Variants in CAPN5 observed in about 807,000 individuals in gnomAD.
CAPN5 encodes the protein calpain-5.
CAPN5 carries 54 observed loss-of-function variants against 73.0 expected under a neutral mutation model. That is an observed-to-expected ratio of 0.74 (90% CI 0.59 to 0.93). The LOEUF is 0.93. Among genes scored for constraint, CAPN5 ranks in the 40% least tolerant of loss-of-function variants. CAPN5 has a pLI of 0.00. For synonymous variants in CAPN5, 335 were observed against 356.9 expected (o/e 0.94, Z 0.69); for missense variants, 785 against 882.9 (o/e 0.89, Z 1.41).
chr11:77,070,301 C>A (rs1555032817), intron 1 of CAPN5, among the ~76,000 whole-genome samples: 1 of 152,212 alleles, frequency 6.6e-6, no homozygotes, highest in East Asian at 1.9e-4. Context: ...CCCCAGCTGC[C>A]CTTCACTGTC....
chr11:77,120,963 G>A, intron 10 of CAPN5, 54 bp downstream of exon 10: 1 of 1,525,304 alleles, frequency 6.6e-7, no homozygotes, highest in Non-Finnish European at 9.0e-7. Flanking sequence ...TTCACACTGG[G>A]CCAACCAGGA....
intron 3 of CAPN5, among the ~76,000 whole-genome samples, chr11:77,099,512 G>A (rs1555038317): frequency 1.3e-5 from 2 of 150,948 alleles, no homozygotes; most frequent in Admixed American, 6.6e-5. Flanking sequence ...CGGATCACTC[G>A]CGGTTAGGGG....
chr11:77,112,705 C>T lies in CAPN5; in HGVS notation c.414C>T (p.Asp138=), dbSNP rs188838312. 1.2e-5 allele frequency: 19 copies of T among 1,614,240 alleles called. No homozygotes were observed. The East Asian group carries it at 4.0e-4, about 34-fold the overall frequency. The part of the protein sequence containing the change: ...FGEWVDVVID[D]RLPTVNNQLI... The stretch of plus-strand genomic sequence containing the variant: ...AATGGGTGGACGTGGTCATCGATGA[C>T]CGGCTGCCCACAGTCAACAACCAGC... The change falls in exon 4 of 13, where the codon GAC becomes GAT. Residue 138 remains aspartate (D), a synonymous_variant. Coordinates refer to ENST00000648180, the MANE Select transcript of CAPN5 (RefSeq NM_004055.5).
chr11:77,071,639 CT>C (rs782290465), intron 1 of CAPN5: 1 of 454,324 alleles, frequency 2.2e-6, no homozygotes, highest in South Asian at 1.6e-5. Flanking sequence ...AAGAGGTTAA[CT>C]GCTTTGCACC....
intron 3 of CAPN5, among the ~76,000 whole-genome samples, chr11:77,095,686 G>A (rs1555037393): frequency 6.6e-6 from 1 of 152,228 alleles, no homozygotes; most frequent in Non-Finnish European, 1.5e-5. Context: ...CTGTCTGGCC[G>A]TTTGTAGGTG....
chr11:77,073,210 G>A, intron 1 of CAPN5: 1 of 856,078 alleles, frequency 1.2e-6, no homozygotes, highest in East Asian at 6.3e-5. Flanking sequence ...TGTTAAAACT[G>A]TGGTGAGCTG....
chr11:77,100,588 G>A (rs1224959636), intron 3 of CAPN5, among the ~76,000 whole-genome samples: 2 of 152,108 alleles, frequency 1.3e-5, no homozygotes, highest in African/African-American at 4.8e-5. Context: ...TCAGGATCCA[G>A]AAATAGGGGA....
intron 2 of CAPN5, among the ~76,000 whole-genome samples, chr11:77,088,565 A>G (rs1555035989): frequency 6.6e-6 from 1 of 152,052 alleles, no homozygotes; most frequent in African/African-American, 2.4e-5. Flanking sequence ...GCTGTAGGCT[A>G]CAACTCCCTT....
chr11:77,117,627 C>T (rs1555041985), intron 7 of CAPN5, among the ~76,000 whole-genome samples: 1 of 152,220 alleles, frequency 6.6e-6, no homozygotes, highest in African/African-American at 2.4e-5. Flanking sequence ...TCACTGCCCC[C>T]TGCCCCCACC....
intron 5 of CAPN5, among the ~76,000 whole-genome samples, chr11:77,115,179 A>G (rs1281285765): frequency 2.6e-5 from 4 of 152,210 alleles, no homozygotes; most frequent in African/African-American, 7.2e-5. Context: ...CGTGGGCCCC[A>G]GCATTCCCCT....
At chr11:77,101,737 GCTCCCCAACTCCCATCCCCACTCT>G (rs1400131401) in intron 3 of CAPN5, among the ~76,000 whole-genome samples, 1 of 152,070 alleles carries the variant, frequency 6.6e-6, no homozygotes, top group Non-Finnish European at 1.5e-5. Context: ...GGCGACGGCC[GCTCCCCAACTCCCATCCCCACTCT>G]CTCCCCAACT....
At position 77,122,622 on chromosome 11, in the gene CAPN5, C is replaced by G. The variant is rs1555043092; in HGVS notation, c.1650C>G (p.Arg550=). 6.2e-7 allele frequency: 1 copy of G among 1,613,652 alleles called. No homozygotes were observed. The change falls in exon 12 of 13, where the codon CGC becomes CGG. Residue 550 remains arginine (R), a synonymous_variant. Coordinates refer to ENST00000648180, the MANE Select transcript of CAPN5 (RefSeq NM_004055.5). ...TCAAGTGTGAGGGAGACAAAGTCCG[C>G]TCGGCTGTGCAGAAGGGCACCTCCA... The part of the protein sequence containing the change: ...VIIKCEGDKV[R]SAVQKGTSTP...
rs2135495546 is a variant in CAPN5, at chr11:77,125,430, G to A, written c.*1560G>A. On this transcript the variant is annotated 3_prime_UTR_variant, in exon 13 of 13. Coordinates refer to ENST00000648180, the MANE Select transcript of CAPN5 (RefSeq NM_004055.5). ...CTTGAAAGCCGGGACTTCCCCTCAA[G>A]AACCTGGGCCTGGGGCCGGGACTCT... 1 of 152,544 alleles carries A rather than the reference G, an allele frequency of 6.6e-6. No homozygotes were observed. Among genetic ancestry groups the A allele is most frequent in the East Asian group, 1.9e-4 (1 of 5,182 alleles). The allele number at this position is 152,544 out of a possible 1,614,324, so 9.4% of individuals were successfully genotyped here.
intron 3 of CAPN5, among the ~76,000 whole-genome samples, chr11:77,100,060 C>T (rs1252051083): frequency 1.3e-5 from 2 of 152,206 alleles, no homozygotes; most frequent in African/African-American, 2.4e-5. Context: ...TGGTCTCAAA[C>T]TCTTGACCTC....
chr11:77,108,448 G>C (rs1296645998), intron 3 of CAPN5, among the ~76,000 whole-genome samples: 1 of 152,212 alleles, frequency 6.6e-6, no homozygotes, highest in Non-Finnish European at 1.5e-5. Context: ...ATGGGTGTTT[G>C]GTGGTTGTGG....
intron 3 of CAPN5, chr11:77,103,265 C>T (rs373450635): frequency 3.1e-6 from 5 of 1,613,238 alleles, no homozygotes; most frequent in Admixed American, 3.3e-5. Context: ...TGTACTTCCT[C>T]GTCACCTTTG....
chr11:77,110,369 A>G (rs1220226480), intron 3 of CAPN5, among the ~76,000 whole-genome samples: 1 of 152,146 alleles, frequency 6.6e-6, no homozygotes, highest in Non-Finnish European at 1.5e-5. Context: ...TTTTTGATAC[A>G]GCTGTCTGTC....
chr11:77,088,582 C>T (rs1251977388), intron 2 of CAPN5, among the ~76,000 whole-genome samples: 1 of 152,094 alleles, frequency 6.6e-6, no homozygotes, highest in Non-Finnish European at 1.5e-5. Context: ...CCTTTCCAGT[C>T]CCAGATGGAA....
intron 1 of CAPN5, among the ~76,000 whole-genome samples, chr11:77,082,518 G>C (rs1222713854): frequency 1.3e-5 from 2 of 152,348 alleles, no homozygotes; most frequent in East Asian, 1.9e-4. Context: ...AGTGGGAGGT[G>C]ACCTTGGGGC....
Sources: gnomAD v4.1 joint callset for allele counts (sites outside exome capture counted in the v4.1 genomes callset) on GRCh38, gnomAD v4.1.1 for gene constraint, MANE v1.5 for transcripts, NCBI Gene and HGNC (gene_info 2026-07-23, HGNC 2026-07-21) for gene names.